GDA: variants seen among roughly 807,000 people sequenced by gnomAD.
GDA encodes the protein guanine deaminase.
GDA carries 18 observed loss-of-function variants against 59.6 expected under a neutral mutation model. The observed-to-expected ratio is 0.30, with a 90% CI of 0.21 to 0.45. The LOEUF is 0.45. GDA is among the 20% of genes least tolerant of loss of function. GDA has a pLI of 1.00. For missense variants in GDA, 427 were observed against 552.3 expected (o/e 0.77, Z 2.27); for synonymous variants, 201 against 201.1 (o/e 1.00, Z 0.00).
chr9:72,251,042 C>T lies in GDA; in HGVS notation c.*2700C>T, dbSNP rs958553770. Reference sequence around the variant, plus strand: ...CTAATTTATTCTCTTGGCTGGTTCTCTCATTGAATTATCAGACCCCAAGAG... The same window carrying T: ...CTAATTTATTCTCTTGGCTGGTTCTTTCATTGAATTATCAGACCCCAAGAG... On this transcript the variant is annotated 3_prime_UTR_variant, in exon 14 of 14. Coordinates refer to ENST00000358399, the MANE Select transcript of GDA (RefSeq NM_004293.5). The T allele has an allele frequency of 2.8e-5, 15 of 526,390 alleles. No homozygotes were observed. Among genetic ancestry groups the T allele is most frequent in the Non-Finnish European group, 4.7e-5 (14 of 295,976 alleles). The allele number at this position is 526,390 out of a possible 1,614,324, so 32.6% of individuals were successfully genotyped here.
At chr9:72,178,937 T>C (rs1166479295) in intron 1 of GDA, among the ~76,000 whole-genome samples, 2 of 152,222 alleles carry the variant, frequency 1.3e-5, no homozygotes, top group Non-Finnish European at 2.9e-5. Flanking sequence ...TCTCTGCCTT[T>C]TTAAAGCTGG....
At chr9:72,154,710 C>T (rs556838361) in intron 1 of GDA, among the ~76,000 whole-genome samples, 3 of 152,304 alleles carry the variant, frequency 2.0e-5, no homozygotes, top group Admixed American at 1.3e-4. Flanking sequence ...CTTGAGAAGT[C>T]ATGCATTCAG....
intron 1 of GDA, among the ~76,000 whole-genome samples, chr9:72,116,991 G>C (rs1825476814): frequency 6.8e-6 from 1 of 146,466 alleles, no homozygotes; most frequent in African/African-American, 2.6e-5. Context: ...TGTTCTCATT[G>C]TTCAATTTCC....
At chr9:72,221,931 G>A (rs1587705756) in intron 6 of GDA, among the ~76,000 whole-genome samples, 1 of 152,160 alleles carries the variant, frequency 6.6e-6, no homozygotes, top group Non-Finnish European at 1.5e-5. Context: ...TGGTGTATAT[G>A]TACCACATTT....
chr9:72,132,670 A>G (rs894400911), intron 1 of GDA, among the ~76,000 whole-genome samples: 1 of 152,166 alleles, frequency 6.6e-6, no homozygotes, highest in East Asian at 1.9e-4. Flanking sequence ...AAGCACTGCT[A>G]TGGTTGTCCA....
intron 12 of GDA, among the ~76,000 whole-genome samples, chr9:72,245,697 C>T (rs968946294): frequency 2.3e-4 from 35 of 152,288 alleles, no homozygotes; most frequent in South Asian, 6.2e-4. Context: ...AAGTGATTTA[C>T]GTAAAGACTC....
chr9:72,138,701 C>T (rs1423792460), intron 1 of GDA, among the ~76,000 whole-genome samples: 1 of 152,188 alleles, frequency 6.6e-6, no homozygotes, highest in South Asian at 2.1e-4. Flanking sequence ...GTGTGCCTGT[C>T]GGTTTCTGCC....
In GDA at chr9:72,252,004, A is replaced by G. The variant is rs1840734618; in HGVS notation, c.*3662A>G. 2 of 152,542 alleles carry G rather than the reference A, an allele frequency of 1.3e-5. No individual in the cohort carries two copies. The highest frequency in any genetic ancestry group is 4.8e-5 in the African/African-American group (2 of 41,456). The allele number at this position is 152,542 out of a possible 1,614,324, so 9.4% of individuals were successfully genotyped here. Reference sequence around the variant, plus strand: ...CTTACCTGTTATGTGACAGTGATTTACCTGTCCATTTCCAACCCAAAAGCC... The same window carrying G: ...CTTACCTGTTATGTGACAGTGATTTGCCTGTCCATTTCCAACCCAAAAGCC... On this transcript the variant is annotated 3_prime_UTR_variant, in exon 14 of 14. Transcript: ENST00000358399.
upstream of GDA, among the ~76,000 whole-genome samples, chr9:72,147,712 A>G (rs911254895): frequency 4.6e-5 from 7 of 152,148 alleles, no homozygotes; most frequent in African/African-American, 1.4e-4. Flanking sequence ...TCTGTTGGAA[A>G]CATCTGATTG....
At chr9:72,148,364 G>C (rs1826785537), upstream of GDA, among the ~76,000 whole-genome samples, 2 of 150,846 alleles carry the variant, frequency 1.3e-5, no homozygotes, top group African/African-American at 4.9e-5. Context: ...TTGGTGAGAG[G>C]GAAACAGGAG....
At chr9:72,151,692 C>T (rs1267559777) in intron 1 of GDA, among the ~76,000 whole-genome samples, 1 of 151,604 alleles carries the variant, frequency 6.6e-6, no homozygotes, top group Admixed American at 6.6e-5. Context: ...ACTGCAAGCT[C>T]TGCCTCCCGG....
downstream of GDA, among the ~76,000 whole-genome samples, chr9:72,259,587 C>A (rs1452575686): frequency 2.6e-5 from 4 of 152,120 alleles, no homozygotes; most frequent in Admixed American, 2.6e-4. Context: ...TTCCTGGAGC[C>A]GCTGTGCAGG....
At chr9:72,130,993 A>G (rs1304651828) in intron 1 of GDA, among the ~76,000 whole-genome samples, 1 of 152,216 alleles carries the variant, frequency 6.6e-6, no homozygotes, top group Non-Finnish European at 1.5e-5. Flanking sequence ...AGCAGCTGCC[A>G]TGTGTCAGGC....
upstream of GDA, among the ~76,000 whole-genome samples, chr9:72,147,586 G>A (rs182288307): frequency 2.0e-5 from 3 of 151,710 alleles, no homozygotes; most frequent in Admixed American, 2.0e-4. Context: ...CTATCAAGTA[G>A]ATATATTCTA....
At chr9:72,234,406 A>T (rs1473201596) in intron 10 of GDA, among the ~76,000 whole-genome samples, 1 of 152,240 alleles carries the variant, frequency 6.6e-6, no homozygotes, top group Admixed American at 6.5e-5. Flanking sequence ...ATGTATTATG[A>T]TATTTTAGTT....
intron 1 of GDA, among the ~76,000 whole-genome samples, chr9:72,122,984 C>A (rs1036805267): frequency 2.6e-5 from 4 of 152,132 alleles, no homozygotes; most frequent in Non-Finnish European, 5.9e-5. Context: ...GTTTTCTAAT[C>A]ATTATTTTCT....
At chr9:72,175,908 A>G (rs1207238283) in intron 1 of GDA, among the ~76,000 whole-genome samples, 1 of 152,262 alleles carries the variant, frequency 6.6e-6, no homozygotes, top group Non-Finnish European at 1.5e-5. Flanking sequence ...TAAGACTGCA[A>G]TGTAACCTCA....
chr9:72,192,466 G>A (rs1484350947), intron 1 of GDA, among the ~76,000 whole-genome samples: 2 of 150,182 alleles, frequency 1.3e-5, no homozygotes, highest in South Asian at 2.1e-4. Flanking sequence ...TCCTGACCTC[G>A]TGATTCACCT....
At chr9:72,127,366 C>T (rs1228418357) in intron 1 of GDA, among the ~76,000 whole-genome samples, 3 of 151,946 alleles carry the variant, frequency 2.0e-5, no homozygotes, top group East Asian at 1.9e-4. Context: ...GGGCTGGGCG[C>T]GGTGGCTCAC....
Sources: gnomAD v4.1 joint callset for allele counts (sites outside exome capture counted in the v4.1 genomes callset) on GRCh38, gnomAD v4.1.1 for gene constraint, MANE v1.5 for transcripts, NCBI Gene and HGNC (gene_info 2026-07-23, HGNC 2026-07-21) for gene names.